SYNE1: variants seen among roughly 807,000 people sequenced by gnomAD.
SYNE1 encodes the protein nesprin-1.
Under a neutral mutation model 1,111.0 loss-of-function variants are expected in SYNE1, and 616 were observed. That is an observed-to-expected ratio of 0.55 (90% CI 0.52 to 0.59). SYNE1 has a LOEUF of 0.59. Among genes scored for constraint, SYNE1 ranks in the 20% least tolerant of loss-of-function variants. The probability of loss-of-function intolerance (pLI) is 0.00; values close to 1 mark genes in which losing one functional copy is unlikely to be tolerated. For synonymous variants in SYNE1, 3,855 were observed against 3,825.8 expected (o/e 1.01, Z -0.28); for missense variants, 10,006 against 10,417.0 (o/e 0.96, Z 1.72).
At chr6:152,122,768 C>T (rs942974890) in intron 145 of SYNE1, 92 bp from the exon 146 acceptor site, 2 of 1,588,788 alleles carry the variant, frequency 1.3e-6, no homozygotes, top group African/African-American at 1.3e-5. Context: ...AGCTAAAGGG[C>T]CATGCCAAGC....
Position 152,281,948 on chromosome 6 carries a change from C to T in SYNE1, c.18240G>A (p.Arg6080=), listed in dbSNP as rs567954466. ...GATACCTCTGCAGGGCCTGTTCCTG[C>T]CTTTGTTCCTCCAGCTGATCATTCA... The part of the protein sequence containing the change: ...EKLNDQLEEQ[R]QEQALQRYRC... The change falls in exon 97 of 146, where the codon AGG becomes AGA. Residue 6080 remains arginine (R), a synonymous_variant. Transcript: ENST00000367255. The T allele has an allele frequency of 5.2e-5, 84 of 1,614,052 alleles. 1 individual carries two copies. In the South Asian group the frequency reaches 8.9e-4, roughly 17 times the overall value.
At chr6:152,278,330 C>T (rs957900199) in intron 97 of SYNE1, 50 bp from the exon 98 acceptor site, 1 of 1,600,174 alleles carries the variant, frequency 6.2e-7, no homozygotes, top group African/African-American at 1.3e-5. Flanking sequence ...CCAGCCTCTG[C>T]AAAGACTGTT....
rs201109440 is a variant in SYNE1, at chr6:152,148,066, G to A, written c.24955C>T (p.Arg8319Trp). 41 of 1,614,058 alleles carry A rather than the reference G, an allele frequency of 2.5e-5. No individual in the cohort carries two copies. Among genetic ancestry groups the A allele is most frequent in the Middle Eastern group, 1.6e-4 (1 of 6,062 alleles). Residue 8319 changes from arginine to tryptophan, a missense_variant, in exon 137 of 146, where the codon CGG becomes TGG. Transcript: ENST00000367255. This position sits in a 1 kb window ranked among gnomAD's most constrained non-coding sequence, Gnocchi z 4.1. The part of the protein sequence containing the change: ...EGQDDKDFYL[R>W]GAVGLSGDHS... ...CTACCTGATAAGCCAACAGCTCCCC[G>A]GAGGTAGAAATCTTTGTCATCCTGA...
rs2097518841 is a variant in SYNE1, at chr6:152,385,842, G to C, written c.8488-4C>G. ...CTTCCACTTTCCTCATTTTTTCCTA[G>C]TAAACAAAGAAAAGACTACCTTAAC... On this transcript the variant is annotated splice_region_variant and splice_polypyrimidine_tract_variant and intron_variant, in intron 54 of 145. Transcript: ENST00000367255. The C allele has an allele frequency of 6.2e-7, 1 of 1,613,626 alleles. No individual in the cohort carries two copies. The highest frequency in any genetic ancestry group is 8.5e-7 in the Non-Finnish European group (1 of 1,179,904).
intron 80 of SYNE1, 98 bp from the exon 81 acceptor site, chr6:152,325,400 C>G (rs1211520199): frequency 1.7e-6 from 2 of 1,171,220 alleles, no homozygotes; most frequent in African/African-American, 3.0e-5. Context: ...AAAATTCCTG[C>G]AAAAGGAAAT....
intron 3 of SYNE1, among the ~76,000 whole-genome samples, chr6:152,579,326 G>A (rs2099511455): frequency 6.6e-6 from 1 of 152,188 alleles, no homozygotes; most frequent in South Asian, 2.1e-4. Context: ...TTTCTCTTGA[G>A]TCACCTGCCT....
intron 100 of SYNE1, 47 bp downstream of exon 100, chr6:152,268,009 G>A (rs376771958): frequency 2.7e-5 from 41 of 1,502,232 alleles, no homozygotes; most frequent in Admixed American, 1.2e-4. Context: ...TTCTTCAAAT[G>A]TCAGGGAAAC....
chr6:152,633,504 A>G (rs758786115), intron 2 of SYNE1, among the ~76,000 whole-genome samples: 17 of 152,242 alleles, frequency 1.1e-4, no homozygotes, highest in Non-Finnish European at 2.4e-4. Flanking sequence ...TTGTAATGGA[A>G]AAGTCCAGGC....
chr6:152,376,496 C>A lies in SYNE1; in HGVS notation c.9209G>T (p.Arg3070Leu), dbSNP rs768750489. ...CTGCTGGAAATCCCTGAAGGCCTTT[C>A]GAAATCTTTGCTGTAAAATCTGTTC... Reference protein sequence around the residue: ...NKEQILQQRFRKAFRDFQQWL... With the variant: ...NKEQILQQRFLKAFRDFQQWL... The change falls in exon 58 of 146, where the codon CGA becomes CTA. Residue 3070 changes from arginine to leucine, a missense_variant. By Grantham distance (102) the Arg-to-Leu change is moderately radical. This residue lies in a region of SYNE1 where 4,955 missense variants were observed against 5,017.2 expected (regional missense o/e 0.99). Transcript: ENST00000367255. 7 of 1,613,982 alleles carry A rather than the reference C, an allele frequency of 4.3e-6. No individual in the cohort carries two copies. In the African/African-American group the frequency reaches 8.0e-5, roughly 18 times the overall value.
At chr6:152,427,661 T>C in intron 38 of SYNE1, 32 bp downstream of exon 38, 1 of 1,613,488 alleles carries the variant, frequency 6.2e-7, no homozygotes, top group Non-Finnish European at 8.5e-7. Flanking sequence ...AAGCATTTTA[T>C]TTTTTCCTTC....
chr6:152,474,124 G>A (rs558850396), intron 14 of SYNE1, among the ~76,000 whole-genome samples: 13 of 152,018 alleles, frequency 8.6e-5, no homozygotes, highest in East Asian at 1.9e-4. Context: ...GGTGGAGGTC[G>A]CAGTGAGGGA....
At chr6:152,346,227 C>T (rs1345837713) in intron 73 of SYNE1, among the ~76,000 whole-genome samples, 20 of 152,140 alleles carry the variant, frequency 1.3e-4, no homozygotes, top group Admixed American at 1.2e-3. Flanking sequence ...AGTGCAGTGG[C>T]GCGATCTCGG....
rs1471757006 is a variant in SYNE1, at chr6:152,261,929, T to G, written c.18972+103A>C. On this transcript the variant is annotated intron_variant, in intron 101 of 145. Coordinates refer to ENST00000367255, the MANE Select transcript of SYNE1 (RefSeq NM_182961.4). ...GAAAAATTGGTGTCATGTCTTAGTT[T>G]GAAATTGATCATGAAAATTAAGTTG... The G allele has an allele frequency of 6.2e-6, 6 of 974,814 alleles. No individual in the cohort carries two copies. In the East Asian group the frequency reaches 1.1e-4, roughly 18 times the overall value. The allele number at this position is 974,814 out of a possible 1,614,324, so 60.4% of individuals were successfully genotyped here.
intron 126 of SYNE1, among the ~76,000 whole-genome samples, chr6:152,205,890 GT>G (rs1288368337): frequency 6.6e-6 from 1 of 152,126 alleles, no homozygotes; most frequent in African/African-American, 2.4e-5. Flanking sequence ...CATGGCTAAG[GT>G]TTCATACTGG....
At position 152,219,007 on chromosome 6, in the gene SYNE1, A is replaced by G; in HGVS notation, c.22040T>C (p.Leu7347Ser). ...EQALCKQQTS[L>S]QAGVLDYETF... is the part of the protein sequence containing the mutation. ...TACTAAATAGGAGCTCTGTACCTGT[A>G]ATGAAGTCTGCTGTTTGCAGAGAGC... Residue 7347 changes from leucine to serine, a missense_variant, in exon 120 of 146, where the codon TTA becomes TCA. Coordinates refer to ENST00000367255, the MANE Select transcript of SYNE1 (RefSeq NM_182961.4). 6.2e-7 allele frequency: 1 copy of G among 1,613,906 alleles called. No individual in the cohort carries two copies. The highest frequency in any genetic ancestry group is 1.1e-5 in the South Asian group (1 of 91,084).
chr6:152,352,185 G>A lies in SYNE1; in HGVS notation c.11422C>T (p.His3808Tyr), dbSNP rs997998748. ...KELTSTVRKE[H>Y]MTLEKGLHLA... ...TGAAGACCTTTTTCCAGCGTCATGT[G>A]TTCTTTCCGGACAGTGCTGGTCAGT... Residue 3808 changes from histidine to tyrosine, a missense_variant, in exon 70 of 146, where the codon CAC becomes TAC. Physicochemically the swap from His to Tyr is moderately conservative, Grantham distance 83. This residue lies in a region of SYNE1 where 4,955 missense variants were observed against 5,017.2 expected (regional missense o/e 0.99). Coordinates refer to ENST00000367255, the MANE Select transcript of SYNE1 (RefSeq NM_182961.4). The A allele has an allele frequency of 1.2e-6, 2 of 1,614,160 alleles. No individual in the cohort carries two copies. The highest frequency in any genetic ancestry group is 1.7e-6 in the Non-Finnish European group (2 of 1,180,036).
rs1404986590 is a variant in SYNE1 at position 152,156,004 on chromosome 6, T to C, written c.23884A>G (p.Thr7962Ala). ...TGTATAGAGTCACACTCGGCATCAG[T>C]GGCACAGGCGTCACAGTCGTGCAGC... ...VLLHDCDACA[T>A]DAECDSIQQA... The change falls in exon 132 of 146, where the codon ACT becomes GCT. Residue 7962 changes from threonine (T) to alanine (A), a missense_variant. This residue lies in a region of SYNE1 where 2,182 missense variants were observed against 2,287.8 expected (regional missense o/e 0.95). Transcript: ENST00000367255. 6.2e-7 allele frequency: 1 copy of C among 1,614,204 alleles called. No homozygotes were observed. The highest frequency in any genetic ancestry group is 1.7e-5 in the Admixed American group (1 of 60,020).
intron 145 of SYNE1, chr6:152,127,871 G>A (rs2054057958): frequency 6.6e-6 from 1 of 152,176 alleles, no homozygotes; most frequent in Admixed American, 6.5e-5. Flanking sequence ...TGATTAACTT[G>A]AATACATTTT....
rs1160179256 is a variant in SYNE1 at position 152,330,753 on chromosome 6, C to T, written c.13932G>A (p.Lys4644=). The change falls in exon 78 of 146, where the codon AAG becomes AAA. Residue 4644 remains lysine (K), a synonymous_variant. Coordinates refer to ENST00000367255, the MANE Select transcript of SYNE1 (RefSeq NM_182961.4). ...NEVDHSYLSE[K]LNALPRQFNV... The stretch of plus-strand genomic sequence containing the variant: ...TAAATTGTCGAGGCAAAGCATTTAG[C>T]TTTTCACTGAGGTAGGAATGATCGA... The T allele has an allele frequency of 2.5e-6, 4 of 1,613,882 alleles. No individual in the cohort carries two copies. Among genetic ancestry groups the T allele is most frequent in the Non-Finnish European group, 3.4e-6 (4 of 1,180,038 alleles).
Sources: gnomAD v4.1 joint callset for allele counts (sites outside exome capture counted in the v4.1 genomes callset) on GRCh38, gnomAD v4.1.1 for gene constraint, gnomAD v4.1.1 regional missense constraint, Gnocchi (gnomAD v3.1) non-coding constraint, MANE v1.5 for transcripts, NCBI Gene and HGNC (gene_info 2026-07-23, HGNC 2026-07-21) for gene names.